VPS26A: variants seen among roughly 807,000 people sequenced by gnomAD.
VPS26A encodes the protein VPS26 retromer complex component A.
A neutral mutation model predicts 42.4 loss-of-function variants in VPS26A; 22 were observed. The ratio of observed to expected loss-of-function variants is 0.52; its 90% CI spans 0.37 to 0.74. The LOEUF is 0.74. VPS26A is among the 30% of genes least tolerant of loss of function. VPS26A has a pLI of 0.00. For synonymous variants in VPS26A, 110 were observed against 123.5 expected, an observed-to-expected ratio of 0.89 and a Z score of 0.73; for missense variants, 276 against 379.2, an observed-to-expected ratio of 0.73 and a Z score of 2.26.
chr10:69,134,340 C>A (rs1316548254), intron 2 of VPS26A, among the ~76,000 whole-genome samples: 1 of 152,044 alleles, frequency 6.6e-6, no homozygotes, highest in Non-Finnish European at 1.5e-5. Flanking sequence ...TTCTTCATAT[C>A]TTTGGTAATA....
chr10:69,169,258 T>C (rs905665941), intron 8 of VPS26A, among the ~76,000 whole-genome samples: 2 of 151,380 alleles, frequency 1.3e-5, no homozygotes, highest in Non-Finnish European at 2.9e-5. Flanking sequence ...TTATTATTAT[T>C]ATTATTACTA....
intron 2 of VPS26A, among the ~76,000 whole-genome samples, chr10:69,140,636 C>T (rs1369647896): frequency 1.3e-5 from 2 of 152,070 alleles, no homozygotes; most frequent in African/African-American, 2.4e-5. Flanking sequence ...CCACCTGTCT[C>T]AGCCTCCCAA....
At chr10:69,124,775 T>C (rs573815617) in intron 1 of VPS26A, among the ~76,000 whole-genome samples, 1 of 152,352 alleles carries the variant, frequency 6.6e-6, no homozygotes, top group Admixed American at 6.5e-5. Flanking sequence ...CATTCTTTGA[T>C]TTCATGACCC....
At chr10:69,158,289 T>A in intron 5 of VPS26A, 78 bp downstream of exon 5, 1 of 1,215,490 alleles carries the variant, frequency 8.2e-7, no homozygotes, top group Non-Finnish European at 1.1e-6. Context: ...TTGGTCAAAG[T>A]AAGGATAGAA....
intron 1 of VPS26A, among the ~76,000 whole-genome samples, chr10:69,128,893 G>GGCTTGAGGTGGGAGGCTT (rs886986502): frequency 8.6e-5 from 13 of 150,990 alleles, no homozygotes; most frequent in Non-Finnish European, 1.5e-4. Context: ...CTACTTGGGA[G>GGCTTGAGGTGGGAGGCTT]GCTTGAGGTG....
intron 1 of VPS26A, among the ~76,000 whole-genome samples, chr10:69,126,020 GTTTT>G (rs749326989): frequency 1.3e-5 from 2 of 152,190 alleles, no homozygotes; most frequent in Non-Finnish European, 2.9e-5. Context: ...TTGCTAGCAT[GTTTT>G]TATAGTCATA....
intron 2 of VPS26A, among the ~76,000 whole-genome samples, chr10:69,136,024 T>C (rs1840900572): frequency 6.6e-6 from 1 of 152,170 alleles, no homozygotes; most frequent in South Asian, 2.1e-4. Context: ...TAATCTCAGG[T>C]TCCCTCTTCA....
chr10:69,148,273 A>T (rs1589354591), intron 2 of VPS26A, among the ~76,000 whole-genome samples: 1 of 152,252 alleles, frequency 6.6e-6, no homozygotes, highest in African/African-American at 2.4e-5. Flanking sequence ...TAGAAATTGA[A>T]TCTGTGGCAA....
At chr10:69,127,824 G>A (rs1240927091) in intron 1 of VPS26A, among the ~76,000 whole-genome samples, 1 of 141,360 alleles carries the variant, frequency 7.1e-6, no homozygotes, top group Non-Finnish European at 1.5e-5. Context: ...AGCCTCCCAA[G>A]TAGCTGGGAC....
chr10:69,127,727 C>CTTTTTTTTTTTTTTTT (rs572346560), intron 1 of VPS26A, among the ~76,000 whole-genome samples: 1 of 85,068 alleles, frequency 1.2e-5, no homozygotes, highest in Non-Finnish European at 2.2e-5. Context: ...TTAAAAATAT[C>CTTTTTTTTTTTTTTTT]TTTTTTTTTT....
intron 8 of VPS26A, 139 bp downstream of exon 8, chr10:69,168,770 A>G: frequency 9.6e-7 from 1 of 1,043,474 alleles, no homozygotes; most frequent in Non-Finnish European, 1.3e-6. Context: ...TAGATAAAGA[A>G]GTAGAGGAGA....
intron 2 of VPS26A, among the ~76,000 whole-genome samples, chr10:69,143,455 T>G (rs1385439436): frequency 6.6e-6 from 1 of 152,210 alleles, no homozygotes; most frequent in Non-Finnish European, 1.5e-5. Flanking sequence ...CTTTTTAATA[T>G]TCCTGACGTG....
intron 7 of VPS26A, among the ~76,000 whole-genome samples, chr10:69,167,527 G>C (rs1841717330): frequency 6.6e-6 from 1 of 152,042 alleles, no homozygotes; most frequent in South Asian, 2.1e-4. Flanking sequence ...CCTGAGGTCA[G>C]GAGTTCGAGA....
At chr10:69,139,703 TATTA>T (rs1394863856) in intron 2 of VPS26A, among the ~76,000 whole-genome samples, 1 of 152,232 alleles carries the variant, frequency 6.6e-6, no homozygotes, top group South Asian at 2.1e-4. Context: ...TTACAGCCAT[TATTA>T]ATTAGTATTT....
At chr10:69,128,939 G>T (rs539167084) in intron 1 of VPS26A, among the ~76,000 whole-genome samples, 1 of 141,768 alleles carries the variant, frequency 7.1e-6, no homozygotes, top group Admixed American at 7.4e-5. Context: ...AGAAGTTGCA[G>T]TCAGCTGAGA....
intron 2 of VPS26A, among the ~76,000 whole-genome samples, chr10:69,151,451 CAAAAAAA>C (rs150296063): frequency 9.5e-6 from 1 of 105,480 alleles, no homozygotes. Flanking sequence ...GACTCCGTCT[CAAAAAAA>C]AAAAAAAAAA....
intron 2 of VPS26A, among the ~76,000 whole-genome samples, chr10:69,146,660 T>C (rs1475585820): frequency 6.6e-6 from 1 of 152,210 alleles, no homozygotes. Flanking sequence ...TAAGTGGTCA[T>C]ATAATATTTG....
At position 69,134,390 on chromosome 10, in the gene VPS26A, A is replaced by T. The variant is rs150928317; in HGVS notation, c.153+1343A>T. Among the ~76,000 whole-genome samples the T allele has an allele frequency of 8.1e-3, 1,228 of 152,298 alleles. 20 individuals are homozygous for T. The highest frequency in any genetic ancestry group is 0.035 in the East Asian group (184 of 5,194). On this transcript the variant is annotated intron_variant, in intron 2 of 8. Coordinates refer to ENST00000263559, the MANE Select transcript of VPS26A (RefSeq NM_004896.5). ...CGTAAATTTTTCTCTAAATTTCTGTAGGACGAGATTATTTCCTTAGAATAG... is the reference window on the plus strand; with the variant it reads ...CGTAAATTTTTCTCTAAATTTCTGTTGGACGAGATTATTTCCTTAGAATAG...
intron 1 of VPS26A, among the ~76,000 whole-genome samples, chr10:69,128,431 C>T (rs1159175698): frequency 1.3e-5 from 2 of 151,510 alleles, no homozygotes; most frequent in South Asian, 2.1e-4. Flanking sequence ...GGGGTTTCAC[C>T]GTGTTAGTCA....
Sources: gnomAD v4.1 joint callset for allele counts (sites outside exome capture counted in the v4.1 genomes callset) on GRCh38, gnomAD v4.1.1 for gene constraint, MANE v1.5 for transcripts, NCBI Gene and HGNC (gene_info 2026-07-23, HGNC 2026-07-21) for gene names.